COL4A4: variants seen among roughly 807,000 people sequenced by gnomAD.
COL4A4 encodes the protein collagen alpha-4(IV) chain.
COL4A4 carries 105 observed loss-of-function variants against 192.9 expected under a neutral mutation model. The ratio of observed to expected loss-of-function variants is 0.54; its 90% CI spans 0.46 to 0.64. COL4A4 has a LOEUF of 0.64. COL4A4 is among the 30% of genes least tolerant of loss of function. COL4A4 has a pLI of 0.00. For synonymous variants in COL4A4, 762 were observed against 769.9 expected (o/e 0.99, Z 0.17); for missense variants, 1,967 against 2,169.3 (o/e 0.91, Z 1.85).
At position 227,098,723 on chromosome 2, in the gene COL4A4, A is replaced by G; in HGVS notation, c.1175T>C (p.Leu392Pro). 6.2e-7 allele frequency: 1 copy of G among 1,614,160 alleles called. No homozygotes were observed. Among genetic ancestry groups the G allele is most frequent in the Non-Finnish European group, 8.5e-7 (1 of 1,180,006 alleles). ...ACAGGCTTCCCCTGGTCTGCCCAAG[A>G]GACCTGGGGGACCAGGTGGTCCAAC... The part of the protein sequence containing the change: ...GDVGPPGPPG[L>P]LGRPGEACAG... Residue 392 changes from leucine to proline, a missense_variant, in exon 19 of 48, where the codon CTC (leucine) becomes CCC (proline). By Grantham distance (98) the Leu-to-Pro change is moderately conservative. Coordinates refer to ENST00000396625, the MANE Select transcript of COL4A4 (RefSeq NM_000092.5).
rs1182243065 is a variant in COL4A4 at position 227,088,777 on chromosome 2, C to T, written c.1499G>A (p.Gly500Asp). Reference protein sequence around the residue: ...GLCACEPGPMGPPGPPGLPGR... With the variant: ...GLCACEPGPMDPPGPPGLPGR... ...AGGAAGTCCTGGAGGGCCAGGGGGG[C>T]CCATGGGTCCAGGCTCACAGGCACA... The change falls in exon 22 of 48, where the codon GGC becomes GAC. Residue 500 changes from glycine (G) to aspartate (D), a missense_variant. Coordinates refer to ENST00000396625, the MANE Select transcript of COL4A4 (RefSeq NM_000092.5). 1 of 1,614,130 alleles carries T rather than the reference C, an allele frequency of 6.2e-7. No homozygotes were observed. The highest frequency in any genetic ancestry group is 8.5e-7 in the Non-Finnish European group (1 of 1,180,022).
chr2:227,155,996 G>C (rs758630127), intron 1 of COL4A4, among the ~76,000 whole-genome samples: 2 of 151,894 alleles, frequency 1.3e-5, no homozygotes. Context: ...GGTGCCTACC[G>C]CAATGCCTGG....
At chr2:227,045,540 C>T (rs1300194038) in intron 35 of COL4A4, among the ~76,000 whole-genome samples, 1 of 151,822 alleles carries the variant, frequency 6.6e-6, no homozygotes, top group East Asian at 1.9e-4. Context: ...GAAGCCAAGG[C>T]AGGCAGATCA....
At chr2:227,145,106 C>T (rs2063461861) in intron 2 of COL4A4, among the ~76,000 whole-genome samples, 1 of 152,098 alleles carries the variant, frequency 6.6e-6, no homozygotes, top group Admixed American at 6.6e-5. Context: ...ACTGGGGTAA[C>T]TTCATTATTA....
At chr2:227,044,524 A>G (rs1972050735) in intron 35 of COL4A4, among the ~76,000 whole-genome samples, 1 of 152,152 alleles carries the variant, frequency 6.6e-6, no homozygotes, top group African/African-American at 2.4e-5. Flanking sequence ...TTTAACATCT[A>G]TTAGTCTCAC....
At chr2:227,088,964 G>A in intron 21 of COL4A4, 148 bp from the exon 22 acceptor site, 5 of 904,302 alleles carry the variant, frequency 5.5e-6, no homozygotes, top group South Asian at 1.5e-5. Context: ...TGCTGTGGGG[G>A]CTGGGTGTGG....
intron 4 of COL4A4, among the ~76,000 whole-genome samples, chr2:227,136,601 T>C (rs1296128947): frequency 6.6e-6 from 1 of 152,152 alleles, no homozygotes; most frequent in African/African-American, 2.4e-5. Context: ...TTCTCCACCT[T>C]AGATTGTTCC....
chr2:227,051,926 C>T (rs1283043428), intron 32 of COL4A4, among the ~76,000 whole-genome samples: 1 of 152,118 alleles, frequency 6.6e-6, no homozygotes, highest in African/African-American at 2.4e-5. Context: ...CACAGTGGTT[C>T]ACGCCTGTAA....
intron 26 of COL4A4, 84 bp downstream of exon 26, chr2:227,062,446 T>C: frequency 1.2e-6 from 1 of 861,448 alleles, no homozygotes; most frequent in Non-Finnish European, 2.0e-6. Flanking sequence ...AGTCTGAGGA[T>C]TCACTCTTGG....
intron 31 of COL4A4, among the ~76,000 whole-genome samples, chr2:227,052,670 A>T (rs758637046): frequency 1.3e-5 from 2 of 152,146 alleles, no homozygotes; most frequent in Non-Finnish European, 2.9e-5. Context: ...AATTCAACCA[A>T]ACTGGTCGGG....
In COL4A4 at chr2:227,020,311, C is replaced by CTTTTT. The variant is rs772052411; in HGVS notation, c.4216+1736_4216+1737insAAAAA. ...TGACTAGTAATACCGACTGACAGAA[C>CTTTTT]TTTATGCATGCAAGGAGTATCAAGA... On this transcript the variant is annotated intron_variant, in intron 44 of 47. Coordinates refer to ENST00000396625, the MANE Select transcript of COL4A4 (RefSeq NM_000092.5). 2.0e-5 allele frequency among the ~76,000 whole-genome samples: 3 copies of CTTTTT among 152,136 alleles called. No homozygotes were observed. In the East Asian group the frequency reaches 5.8e-4, roughly 29 times the overall value.
At chr2:227,156,611 A>G (rs2125506765) in intron 1 of COL4A4, among the ~76,000 whole-genome samples, 1 of 152,302 alleles carries the variant, frequency 6.6e-6, no homozygotes, top group South Asian at 2.1e-4. Context: ...CAGAAGGACA[A>G]TTCTAGGTAG....
Position 227,102,840 on chromosome 2 carries a change from A to G in COL4A4, c.879T>C (p.Ser293=). ...CTTTTTCTCCTTTTGCCCCAATACC[A>G]GATTCTCCCTTTAAGAGATGACAAC... ...LPGPPGRKGE[S]GIGAKGEKGI... Residue 293 remains serine (S), a synonymous_variant, in exon 15 of 48, where the codon TCT becomes TCC. Transcript: ENST00000396625. 6.2e-7 allele frequency: 1 copy of G among 1,612,970 alleles called. No homozygotes were observed. Among genetic ancestry groups the G allele is most frequent in the East Asian group, 2.2e-5 (1 of 44,836 alleles).
chr2:226,997,374 T>A, the COL4A4 span: 1 of 152,226 alleles, frequency 6.6e-6, no homozygotes. Flanking sequence ...CATTTGGTAA[T>A]TCTGCTATAA....
intron 44 of COL4A4, among the ~76,000 whole-genome samples, chr2:227,015,840 G>C (rs1179213974): frequency 6.6e-6 from 1 of 152,202 alleles, no homozygotes; most frequent in Non-Finnish European, 1.5e-5. Flanking sequence ...TTGCCAACAA[G>C]TATGCCTAGG....
intron 44 of COL4A4, among the ~76,000 whole-genome samples, chr2:227,020,047 T>C (rs1965701045): frequency 6.6e-6 from 1 of 152,226 alleles, no homozygotes; most frequent in African/African-American, 2.4e-5. Flanking sequence ...ATTTCTTTCA[T>C]GGGATTATGA....
intron 24 of COL4A4, among the ~76,000 whole-genome samples, chr2:227,078,847 ACTGT>A (rs1201892351): frequency 6.6e-6 from 1 of 152,184 alleles, no homozygotes; most frequent in Admixed American, 6.5e-5. Flanking sequence ...CTTTTGGTTA[ACTGT>A]CTGGTTCTGT....
chr2:227,144,558 C>A lies in COL4A4; in HGVS notation c.72G>T (p.Trp24Cys). 6.2e-7 allele frequency: 1 copy of A among 1,605,316 alleles called. No homozygotes were observed. Among genetic ancestry groups the A allele is most frequent in the Non-Finnish European group, 8.5e-7 (1 of 1,172,274 alleles). ...CAGAAAAGAGAATGAGTATAAGTGACCTACAGAAAAACAAAAACGCAGATT... is the reference window on the plus strand; with the variant it reads ...CAGAAAAGAGAATGAGTATAAGTGAACTACAGAAAAACAAAAACGCAGATT... ...RLTKSLATGP[W>C]SLILILFSVQ... The change falls in exon 3 of 48, where the codon TGG (tryptophan) becomes TGT (cysteine). Residue 24 changes from tryptophan (W) to cysteine (C), a missense_variant and splice_region_variant. By Grantham distance (215) the Trp-to-Cys change is radical. Transcript: ENST00000396625.
At chr2:227,021,896 T>C in intron 44 of COL4A4, 152 bp downstream of exon 44, 1 of 741,810 alleles carries the variant, frequency 1.3e-6, no homozygotes, top group Non-Finnish European at 2.3e-6. Flanking sequence ...TTGATGTACT[T>C]TGGATCAAGG....
Sources: allele counts gnomAD v4.1 joint callset (sites outside exome capture counted in the v4.1 genomes callset), GRCh38; gene constraint gnomAD v4.1.1; transcripts MANE v1.5; gene names NCBI Gene and HGNC (gene_info 2026-07-23, HGNC 2026-07-21).